The following NFKBIB variants were observed in gnomAD, a reference collection of about 807,000 sequenced individuals.
The protein encoded by NFKBIB is NF-kappa-B inhibitor beta.
NFKBIB carries 16 observed loss-of-function variants against 32.1 expected under a neutral mutation model. That is an observed-to-expected ratio of 0.50 (90% CI 0.34 to 0.76). The LOEUF (loss-of-function observed/expected upper bound fraction) is 0.76, where lower values mean the gene tolerates loss of function less well. Ranked by LOEUF, NFKBIB falls within the 30% of genes least tolerant of loss-of-function variation. The pLI is 0.01. For synonymous variants in NFKBIB, 222 were observed against 219.5 expected (o/e 1.01, Z -0.10); for missense variants, 437 against 514.9 (o/e 0.85, Z 1.46).
Position 38,905,055 on chromosome 19 carries a change from CT to C in NFKBIB, c.221del (p.Leu74ArgfsTer5). 6.2e-7 allele frequency: 1 copy of C among 1,614,126 alleles called. No homozygotes were observed. Among genetic ancestry groups the C allele is most frequent in the Non-Finnish European group, 8.5e-7 (1 of 1,180,010 alleles). ...LAVIHQHEPF[L>X]DFLLGFSAGT... ...TGTGATTCATCAGCATGAACCCTTC[CT>C]GGATTTTCTTCTAGGCTTCTCGGCC... On this transcript the variant is annotated frameshift_variant, in exon 2 of 6. Coordinates refer to ENST00000313582, the MANE Select transcript of NFKBIB (RefSeq NM_002503.5). LOFTEE classifies it high-confidence loss of function. This position sits in a 1 kb window ranked among gnomAD's most constrained non-coding sequence, Gnocchi z 5.5.
chr19:38,903,244 ATAT>A (rs1194160711), intron 1 of NFKBIB, among the ~76,000 whole-genome samples: 2 of 152,148 alleles, frequency 1.3e-5, no homozygotes, highest in East Asian at 3.8e-4. Flanking sequence ...CCTTAAAGTG[ATAT>A]TATGCCATTT....
At chr19:38,906,288 C>A (rs1163624062) in intron 3 of NFKBIB, among the ~76,000 whole-genome samples, 1 of 151,318 alleles carries the variant, frequency 6.6e-6, no homozygotes, top group Admixed American at 6.6e-5. Flanking sequence ...GGATTACAGG[C>A]ACATGCTACC....
intron 1 of NFKBIB, among the ~76,000 whole-genome samples, chr19:38,903,767 G>A (rs916937871): frequency 2.2e-4 from 34 of 151,848 alleles, no homozygotes; most frequent in Admixed American, 7.9e-4. Context: ...GGAGAATTCT[G>A]TATTCCTATA....
At chr19:38,906,306 G>C (rs1419596250) in intron 3 of NFKBIB, among the ~76,000 whole-genome samples, 1 of 150,546 alleles carries the variant, frequency 6.6e-6, no homozygotes, top group Non-Finnish European at 1.5e-5. Flanking sequence ...ACCATGCCCA[G>C]CTTATTTTTG....
At chr19:38,903,386 T>C (rs1243547026) in intron 1 of NFKBIB, among the ~76,000 whole-genome samples, 1 of 152,052 alleles carries the variant, frequency 6.6e-6, no homozygotes, top group Non-Finnish European at 1.5e-5. Context: ...CAGGTTCAAA[T>C]GATTGTCCTG....
chr19:38,900,839 C>G (rs546676941), intron 1 of NFKBIB, among the ~76,000 whole-genome samples: 1 of 152,150 alleles, frequency 6.6e-6, no homozygotes, highest in East Asian at 1.9e-4. Context: ...GTGAAGAAAA[C>G]AAACAAAAAC....
At chr19:38,906,061 G>A (rs1010764366) in intron 3 of NFKBIB, among the ~76,000 whole-genome samples, 4 of 150,694 alleles carry the variant, frequency 2.7e-5, no homozygotes, top group East Asian at 3.9e-4. Context: ...ATGGACTGAC[G>A]TCATTCAGGA....
Position 38,900,133 on chromosome 19 carries a change from C to G in NFKBIB, c.101C>G (p.Pro34Arg), listed in dbSNP as rs760467102. The G allele has an allele frequency of 2.5e-6, 4 of 1,593,362 alleles. No homozygotes were observed. The highest frequency in any genetic ancestry group is 1.3e-5 in the African/African-American group (1 of 74,304). Residue 34 changes from proline to arginine, a missense_variant, in exon 1 of 6, where the codon CCT (proline) becomes CGT (arginine). Pro to Arg is a moderately radical substitution (Grantham distance 103). Coordinates refer to ENST00000313582, the MANE Select transcript of NFKBIB (RefSeq NM_002503.5). ...LGPDAAAPGG[P>R]GLGAELGPGL... is the part of the protein sequence containing the mutation. ...CCGGACGCAGCGGCCCCCGGAGGAC[C>G]TGGGTTGGGCGCGGAGTTGGGCCCG...
At chr19:38,904,222 T>C (rs1487744734) in intron 1 of NFKBIB, among the ~76,000 whole-genome samples, 1 of 152,194 alleles carries the variant, frequency 6.6e-6, no homozygotes, top group Non-Finnish European at 1.5e-5. Context: ...CAGTGCCCCA[T>C]CTACAGTTAA....
chr19:38,899,681 T>C (rs1973871161), upstream of NFKBIB: 2 of 1,007,426 alleles, frequency 2.0e-6, no homozygotes, highest in Non-Finnish European at 3.1e-6. Context: ...ACTACAACTC[T>C]CAGCAGACAT....
intron 5 of NFKBIB, chr19:38,908,163 G>A (rs746757055): frequency 1.7e-5 from 17 of 996,452 alleles, no homozygotes; most frequent in Non-Finnish European, 1.9e-5. Context: ...AAAGGCAGAG[G>A]GAAGGGGTGG....
chr19:38,899,729 G>A (rs561710619), upstream of NFKBIB: 3 of 766,266 alleles, frequency 3.9e-6, no homozygotes, highest in Admixed American at 2.2e-5. Flanking sequence ...CACCCAGAGC[G>A]CCCCAGTTAG....
chr19:38,907,693 G>T (rs780891154), intron 5 of NFKBIB, 34 bp downstream of exon 5: 5 of 1,565,818 alleles, frequency 3.2e-6, no homozygotes, highest in Admixed American at 1.9e-5. Flanking sequence ...CAGCCCAGCT[G>T]GGGGGTCAGG....
At position 38,907,546 on chromosome 19, in the gene NFKBIB, A is replaced by G; in HGVS notation, c.856A>G (p.Asn286Asp). The G allele has an allele frequency of 5.0e-6, 8 of 1,612,582 alleles. No individual in the cohort carries two copies. The highest frequency in any genetic ancestry group is 5.9e-6 in the Non-Finnish European group (7 of 1,179,712). The change falls in exon 5 of 6, where the codon AAC (asparagine) becomes GAC (aspartate). Residue 286 changes from asparagine (N) to aspartate (D), a missense_variant. By Grantham distance (23) the Asn-to-Asp change is conservative (BLOSUM62 1). Coordinates refer to ENST00000313582, the MANE Select transcript of NFKBIB (RefSeq NM_002503.5). ...ACTCGGCAGTGCCATGCTCCGGCCCAACCCCATCCTCGCCCGCCTCCTCCG... is the reference window on the plus strand; with the variant it reads ...ACTCGGCAGTGCCATGCTCCGGCCCGACCCCATCCTCGCCCGCCTCCTCCG... ...TPLGSAMLRPNPILARLLRAH... is the reference protein window; with the variant it reads ...TPLGSAMLRPDPILARLLRAH...
chr19:38,908,007 C>A, intron 5 of NFKBIB: 1 of 1,144,196 alleles, frequency 8.7e-7, no homozygotes, highest in Non-Finnish European at 1.1e-6. Context: ...AAAAGAAAAC[C>A]TTGGGTGGCA....
chr19:38,900,000 C>T lies in NFKBIB; in HGVS notation c.-33C>T. ...CCGGCAAAGCCCAGCTACAGGCGGG[C>T]GACTGCGGGGGGCCCCTGAGGCGGC... On this transcript the variant is annotated 5_prime_UTR_variant, in exon 1 of 6. Coordinates refer to ENST00000313582, the MANE Select transcript of NFKBIB (RefSeq NM_002503.5). The T allele has an allele frequency of 6.9e-7, 1 of 1,442,372 alleles. No homozygotes were observed. The highest frequency in any genetic ancestry group is 9.1e-7 in the Non-Finnish European group (1 of 1,101,438). The allele number at this position is 1,442,372 out of a possible 1,614,324, so 89.3% of individuals were successfully genotyped here. A position where few individuals can be genotyped will look rare whatever the true frequency, so the allele number is the denominator to read the frequency against.
chr19:38,904,991 T>A (rs565452934), intron 1 of NFKBIB, 24 bp from the exon 2 acceptor site: 2 of 1,610,964 alleles, frequency 1.2e-6, no homozygotes, highest in Non-Finnish European at 1.7e-6. Context: ...AACTTTGCCC[T>A]CTCACCCCGG....
Position 38,905,586 on chromosome 19 carries a change from C to A in NFKBIB, c.619+51C>A. On this transcript the variant is annotated intron_variant, in intron 3 of 5. Coordinates refer to ENST00000313582, the MANE Select transcript of NFKBIB (RefSeq NM_002503.5). This position sits in a 1 kb window ranked among gnomAD's most constrained non-coding sequence, Gnocchi z 5.5. ...TCAGCTCCTGGGCTAGGCGAGAGCA[C>A]CTGGCCCTGGGCTCAGCTTCCCTGA... is the stretch of plus-strand genomic sequence containing the variant. The A allele has an allele frequency of 1.4e-6, 2 of 1,438,940 alleles. No homozygotes were observed. The highest frequency in any genetic ancestry group is 1.9e-6 in the Non-Finnish European group (2 of 1,056,314). The allele number at this position is 1,438,940 out of a possible 1,614,324, so 89.1% of individuals were successfully genotyped here. A position where few individuals can be genotyped will look rare whatever the true frequency, so the allele number is the denominator to read the frequency against.
At chr19:38,908,399 C>A in intron 5 of NFKBIB, 1 of 767,306 alleles carries the variant, frequency 1.3e-6, no homozygotes, top group Non-Finnish European at 1.6e-6. Context: ...ATTAGCTGGG[C>A]GTGGTGGCGC....
Sources: gnomAD v4.1 joint callset for allele counts (sites outside exome capture counted in the v4.1 genomes callset) on GRCh38, gnomAD v4.1.1 for gene constraint, Gnocchi (gnomAD v3.1) non-coding constraint, MANE v1.5 for transcripts, NCBI Gene and HGNC (gene_info 2026-07-23, HGNC 2026-07-21) for gene names.